The following PRKAG2 variants were observed in gnomAD, a reference collection of about 807,000 sequenced individuals.
PRKAG2 encodes protein kinase AMP-activated non-catalytic subunit gamma 2.
PRKAG2 carries 26 observed loss-of-function variants against 69.6 expected under a neutral mutation model. That is an observed-to-expected ratio of 0.37 (90% confidence interval 0.27 to 0.52). The LOEUF (loss-of-function observed/expected upper bound fraction) is 0.52, where lower values mean the gene tolerates loss of function less well. Among genes scored for constraint, PRKAG2 ranks in the 20% least tolerant of loss-of-function variants. The pLI, the probability that PRKAG2 is intolerant of heterozygous loss-of-function variation, is 0.90. For synonymous variants in PRKAG2, 293 were observed against 285.0 expected, an observed-to-expected ratio of 1.03 and a Z score of -0.28; for missense variants, 557 against 740.0, an observed-to-expected ratio of 0.75 and a Z score of 2.87.
chr7:151,756,770 C>G lies in PRKAG2; in HGVS notation c.466+24382G>C, dbSNP rs1220453879. Among the ~76,000 whole-genome samples the G allele has an allele frequency of 2.0e-5, 3 of 152,190 alleles. No individual in the cohort carries two copies. The highest frequency in any genetic ancestry group is 4.4e-5 in the Non-Finnish European group (3 of 68,038). ...GGTGGGTCGCTTCCCAAACTCTAGT[C>G]TGGCGTCTCAGCTCTTTCCTCACCT... On this transcript the variant is annotated intron_variant, in intron 3 of 15. Coordinates refer to ENST00000287878, the MANE Select transcript of PRKAG2 (RefSeq NM_016203.4). The surrounding 1 kb of genome is among the most constrained non-coding windows in gnomAD (Gnocchi z 4.9).
intron 5 of PRKAG2, among the ~76,000 whole-genome samples, chr7:151,628,174 G>A (rs1212801141): frequency 2.6e-5 from 4 of 152,190 alleles, no homozygotes; most frequent in Middle Eastern, 3.2e-3. Context: ...AATGCGGACC[G>A]CTCTAAAGAG....
At chr7:151,661,361 A>T (rs1332770810) in intron 4 of PRKAG2, among the ~76,000 whole-genome samples, 1 of 152,108 alleles carries the variant, frequency 6.6e-6, no homozygotes, top group African/African-American at 2.4e-5. Context: ...TGTTTTTGGT[A>T]GAGACGGGAT....
intron 3 of PRKAG2, among the ~76,000 whole-genome samples, chr7:151,742,334 A>C (rs907332480): frequency 6.6e-6 from 1 of 152,224 alleles, no homozygotes; most frequent in Non-Finnish European, 1.5e-5. Context: ...GCAAAAGAAG[A>C]AGCATGTTTA....
intron 5 of PRKAG2, among the ~76,000 whole-genome samples, chr7:151,621,854 C>T (rs1323946837): frequency 6.6e-6 from 1 of 152,148 alleles, no homozygotes; most frequent in Non-Finnish European, 1.5e-5. Context: ...GGATTACAGG[C>T]GTGAACCACC....
intron 3 of PRKAG2, among the ~76,000 whole-genome samples, chr7:151,690,163 C>A (rs1835441225): frequency 6.6e-6 from 1 of 152,202 alleles, no homozygotes; most frequent in South Asian, 2.1e-4. Context: ...GACAGCATCA[C>A]ACCTGAATTG....
At chr7:151,870,573 C>T (rs542724591) in intron 1 of PRKAG2, among the ~76,000 whole-genome samples, 3 of 152,340 alleles carry the variant, frequency 2.0e-5, no homozygotes, top group Non-Finnish European at 4.4e-5. Flanking sequence ...GGCTTCCATC[C>T]GGAGCGTTTC....
At chr7:151,801,931 C>T (rs1269506489) in intron 1 of PRKAG2, among the ~76,000 whole-genome samples, 7 of 152,182 alleles carry the variant, frequency 4.6e-5, no homozygotes, top group African/African-American at 9.7e-5. Flanking sequence ...AGAGTTTGGA[C>T]GCCTCTGTGA....
intron 1 of PRKAG2, among the ~76,000 whole-genome samples, chr7:151,872,582 G>T (rs2080243012): frequency 6.6e-6 from 1 of 152,200 alleles, no homozygotes; most frequent in Non-Finnish European, 1.5e-5. Flanking sequence ...CCCTGCTAGG[G>T]ATCCCCTGAG....
chr7:151,655,626 C>T (rs1585534081), intron 4 of PRKAG2, among the ~76,000 whole-genome samples: 1 of 152,230 alleles, frequency 6.6e-6, no homozygotes, highest in South Asian at 2.1e-4. Context: ...GTCCCTTGTT[C>T]AAAAATTGGG....
At chr7:151,713,430 T>C (rs929532217) in intron 3 of PRKAG2, among the ~76,000 whole-genome samples, 14 of 152,132 alleles carry the variant, frequency 9.2e-5, no homozygotes, top group Admixed American at 7.9e-4. Context: ...AGCTCACACA[T>C]GTATGTAATG....
At position 151,795,968 on chromosome 7, in the gene PRKAG2, A is replaced by G. The variant is rs73485977; in HGVS notation, c.115-9427T>C. Among the ~76,000 whole-genome samples, 741 of 146,780 alleles carry G rather than the reference A, an allele frequency of 5.0e-3. 4 individuals are homozygous for G. Among genetic ancestry groups the G allele is most frequent in the African/African-American group, 0.016 (660 of 40,162 alleles). ...ATTATGTGATTATATCTCAATATAC[A>G]TATTAAGAAAAATATGTATATTAAG... On this transcript the variant is annotated intron_variant, in intron 1 of 15. Transcript: ENST00000287878.
chr7:151,780,435 T>A lies in PRKAG2; in HGVS notation c.466+717A>T, dbSNP rs1403609791. Among the ~76,000 whole-genome samples, 3 of 152,190 alleles carry A rather than the reference T, an allele frequency of 2.0e-5. No individual in the cohort carries two copies. The highest frequency in any genetic ancestry group is 7.2e-5 in the African/African-American group (3 of 41,442). On this transcript the variant is annotated intron_variant, in intron 3 of 15. Coordinates refer to ENST00000287878, the MANE Select transcript of PRKAG2 (RefSeq NM_016203.4). This position sits in a 1 kb window ranked among gnomAD's most constrained non-coding sequence, Gnocchi z 4.2. ...TCTTCCCCAATACAAATGTTCTAAG[T>A]CAGTAGAAAGAACTGGAAAGAATAG... is the stretch of plus-strand genomic sequence containing the variant.
chr7:151,625,837 A>C (rs1021872839), intron 5 of PRKAG2, among the ~76,000 whole-genome samples: 2 of 152,224 alleles, frequency 1.3e-5, no homozygotes, highest in African/African-American at 4.8e-5. Context: ...TGAGCCGTGG[A>C]GGAGGGCACG....
intron 3 of PRKAG2, among the ~76,000 whole-genome samples, chr7:151,722,503 C>A (rs761996190): frequency 1.7e-4 from 26 of 152,172 alleles, no homozygotes; most frequent in Admixed American, 1.5e-3. Flanking sequence ...AGCTCCCTCC[C>A]CAGGGGTCTC....
At chr7:151,626,208 C>T (rs1822867586) in intron 5 of PRKAG2, among the ~76,000 whole-genome samples, 1 of 152,168 alleles carries the variant, frequency 6.6e-6, no homozygotes, top group African/African-American at 2.4e-5. Flanking sequence ...CCCCCGAATC[C>T]TCCCAGCATT....
rs144490716 is a variant in PRKAG2, at chr7:151,806,025, C to G, written c.115-19484G>C. Among the ~76,000 whole-genome samples, 1,450 of 152,336 alleles carry G rather than the reference C, an allele frequency of 9.5e-3. 52 individuals carry two copies. Among genetic ancestry groups the G allele is most frequent in the Admixed American group, 0.054 (830 of 15,296 alleles). Reference sequence around the variant, plus strand: ...ACCAGCCTGGCCAAACCTGTCTCTACTAAAAATACAAAAATTAGCTGGGCG... The same window carrying G: ...ACCAGCCTGGCCAAACCTGTCTCTAGTAAAAATACAAAAATTAGCTGGGCG... On this transcript the variant is annotated intron_variant, in intron 1 of 15. Coordinates refer to ENST00000287878, the MANE Select transcript of PRKAG2 (RefSeq NM_016203.4).
intron 4 of PRKAG2, among the ~76,000 whole-genome samples, chr7:151,653,443 C>T (rs1048615426): frequency 1.2e-4 from 18 of 152,070 alleles, no homozygotes; most frequent in Non-Finnish European, 2.2e-4. Flanking sequence ...TCTCACCCAC[C>T]GATACGACAA....
chr7:151,607,582 C>A (rs1323361941), intron 5 of PRKAG2, among the ~76,000 whole-genome samples: 1 of 152,084 alleles, frequency 6.6e-6, no homozygotes, highest in South Asian at 2.1e-4. Context: ...GTCCTCCCTA[C>A]CTACACAATA....
At chr7:151,656,815 A>G (rs902990927) in intron 4 of PRKAG2, among the ~76,000 whole-genome samples, 4 of 152,128 alleles carry the variant, frequency 2.6e-5, no homozygotes, top group Non-Finnish European at 5.9e-5. Flanking sequence ...AACATCGTGG[A>G]ATTCAAAAGT....
Sources: gnomAD v4.1 joint callset for allele counts (sites outside exome capture counted in the v4.1 genomes callset) on GRCh38, gnomAD v4.1.1 for gene constraint, Gnocchi (gnomAD v3.1) non-coding constraint, MANE v1.5 for transcripts, NCBI Gene and HGNC (gene_info 2026-07-23, HGNC 2026-07-21) for gene names.